Variants in DTHD1 observed in about 807,000 individuals in gnomAD.
DTHD1 encodes the protein death domain containing 1, also known as death domain-containing protein 1.
Under a neutral mutation model 74.8 loss-of-function variants are expected in DTHD1, and 59 were observed. The observed-to-expected ratio is 0.79, with a 90% CI of 0.64 to 0.98. The LOEUF is 0.98. Among genes scored for constraint, DTHD1 ranks in the 50% least tolerant of loss-of-function variants. DTHD1 has a pLI of 0.00. For synonymous variants in DTHD1, 365 were observed against 371.1 expected (o/e 0.98, Z 0.19); for missense variants, 1,051 against 1,065.4 (o/e 0.99, Z 0.19).
chr4:36,294,949 A>G lies in DTHD1; in HGVS notation c.1553A>G (p.Tyr518Cys). 1 of 1,551,592 alleles carries G rather than the reference A, an allele frequency of 6.4e-7. No homozygotes were observed. The highest frequency in any genetic ancestry group is 8.7e-7 in the Non-Finnish European group (1 of 1,146,632). The change falls in exon 5 of 10, where the codon TAC becomes TGC. Residue 518 changes from tyrosine (Y) to cysteine (C), a missense_variant. Tyr to Cys is a radical substitution (Grantham distance 194, BLOSUM62 -2). Coordinates refer to ENST00000639862, the MANE Select transcript of DTHD1 (RefSeq NM_001170700.3). ...PVTLFLPCSP[Y>C]LDKNNLGSEI... ...ACTTTGTTTTTACCTTGTTCTCCAT[A>G]CCTTGATAAAAACAACCTTGGTTCT...
Position 36,306,056 on chromosome 4 carries a change from C to A in DTHD1, c.1644-135C>A, listed in dbSNP as rs1422086182. 4.6e-6 allele frequency: 4 copies of A among 877,410 alleles called. No individual in the cohort carries two copies. In the Admixed American group the frequency reaches 8.4e-5, roughly 18 times the overall value. The allele number at this position is 877,410 out of a possible 1,614,324, so 54.4% of individuals were successfully genotyped here. A position where few individuals can be genotyped will look rare whatever the true frequency, so the allele number is the denominator to read the frequency against. ...TAGTTTGATCTCTGTGTTCCTGGTGCAAAGCATAATTCCTGGCACATAGTA... is the reference window on the plus strand; with the variant it reads ...TAGTTTGATCTCTGTGTTCCTGGTGAAAAGCATAATTCCTGGCACATAGTA... On this transcript the variant is annotated intron_variant, in intron 5 of 9. Coordinates refer to ENST00000639862, the MANE Select transcript of DTHD1 (RefSeq NM_001170700.3).
At chr4:36,319,521 C>T (rs1757939373) in intron 8 of DTHD1, among the ~76,000 whole-genome samples, 1 of 152,148 alleles carries the variant, frequency 6.6e-6, no homozygotes, top group African/African-American at 2.4e-5. Flanking sequence ...TCCAGAAAGC[C>T]TCACGTTGCT....
At chr4:36,336,112 G>A (rs951185984) in intron 8 of DTHD1, among the ~76,000 whole-genome samples, 1 of 152,170 alleles carries the variant, frequency 6.6e-6, no homozygotes, top group East Asian at 1.9e-4. Context: ...AGCCACATAA[G>A]CCCCACTATG....
At chr4:36,339,699 T>G (rs1759212218) in intron 9 of DTHD1, among the ~76,000 whole-genome samples, 1 of 152,350 alleles carries the variant, frequency 6.6e-6, no homozygotes, top group East Asian at 1.9e-4. Flanking sequence ...CATTTTATTT[T>G]GTGATATCAG....
rs1409500530 is a variant in DTHD1, at chr4:36,345,119, G to A, written c.*1295G>A. Reference sequence around the variant, plus strand: ...TTCAAGGCCTATTTCTTCTACTTAGGAAGAAAACCTGCTTTAAAATTAGTT... The same window carrying A: ...TTCAAGGCCTATTTCTTCTACTTAGAAAGAAAACCTGCTTTAAAATTAGTT... On this transcript the variant is annotated 3_prime_UTR_variant, in exon 10 of 10. Coordinates refer to ENST00000639862, the MANE Select transcript of DTHD1 (RefSeq NM_001170700.3). The A allele has an allele frequency of 3.3e-5, 5 of 152,050 alleles. No individual in the cohort carries two copies. 9.4% of individuals were successfully genotyped at this position (152,050 alleles called of 1,614,324 possible).
At chr4:36,286,373 T>C (rs1755713105) in intron 2 of DTHD1, among the ~76,000 whole-genome samples, 1 of 152,192 alleles carries the variant, frequency 6.6e-6, no homozygotes, top group Admixed American at 6.5e-5. Flanking sequence ...CCCAAACCAA[T>C]TGTGCTTGGC....
At chr4:36,332,187 AAAAATAAAAT>A (rs11269624) in intron 8 of DTHD1, among the ~76,000 whole-genome samples, 4,592 of 139,688 alleles carry the variant, frequency 0.033, 233 homozygotes, top group African/African-American at 0.089. Flanking sequence ...CACTGTCTCA[AAAAATAAAAT>A]AAAATAAAAT....
At chr4:36,308,816 T>C (rs984421621) in intron 7 of DTHD1, among the ~76,000 whole-genome samples, 2 of 152,204 alleles carry the variant, frequency 1.3e-5, no homozygotes, top group African/African-American at 4.8e-5. Flanking sequence ...GCTTCCATTA[T>C]TGGCCATATG....
chr4:36,311,539 T>C (rs1277999107), intron 7 of DTHD1, among the ~76,000 whole-genome samples: 1 of 148,260 alleles, frequency 6.7e-6, no homozygotes, highest in Admixed American at 6.8e-5. Flanking sequence ...TCTGAGAAGC[T>C]TTCTCTATCC....
At chr4:36,337,854 G>A (rs543686159) in intron 8 of DTHD1, among the ~76,000 whole-genome samples, 1 of 152,262 alleles carries the variant, frequency 6.6e-6, no homozygotes, top group Admixed American at 6.5e-5. Context: ...TGTGAAATAA[G>A]CTTTAAAAAA....
intron 8 of DTHD1, among the ~76,000 whole-genome samples, chr4:36,318,977 G>A (rs937207007): frequency 1.1e-4 from 17 of 152,046 alleles, no homozygotes; most frequent in Non-Finnish European, 2.2e-4. Flanking sequence ...TTACGCATGC[G>A]GCAATTTTCC....
At chr4:36,282,080 G>A (rs1195775423) in intron 1 of DTHD1, 51 bp downstream of exon 1, 6 of 1,451,456 alleles carry the variant, frequency 4.1e-6, no homozygotes, top group Admixed American at 2.2e-5. Context: ...TATTGATTAG[G>A]GCAAGATCTG....
In DTHD1 at chr4:36,293,700, T is replaced by A. The variant is rs928276724; in HGVS notation, c.1393T>A (p.Leu465Ile). The part of the protein sequence containing the change: ...GVFTSPVLVQ[L>I]KIQPVDPALV... ...TTTTACCTCTCCAGTGCTGGTGCAGTTAAAGGTAAACATATTAAAAATAGG... is the reference window on the plus strand; with the variant it reads ...TTTTACCTCTCCAGTGCTGGTGCAGATAAAGGTAAACATATTAAAAATAGG... Residue 465 changes from leucine (L) to isoleucine (I), a missense_variant, in exon 4 of 10, where the codon TTA (leucine) becomes ATA (isoleucine). By Grantham distance (5) the Leu-to-Ile change is conservative (BLOSUM62 2). Coordinates refer to ENST00000639862, the MANE Select transcript of DTHD1 (RefSeq NM_001170700.3). 3.3e-6 allele frequency: 5 copies of A among 1,515,868 alleles called. No individual in the cohort carries two copies. Among genetic ancestry groups the A allele is most frequent in the Non-Finnish European group, 4.4e-6 (5 of 1,124,418 alleles). 93.9% of individuals were successfully genotyped at this position (1,515,868 alleles called of 1,614,324 possible). A position where few individuals can be genotyped will look rare whatever the true frequency, so the allele number is the denominator to read the frequency against.
At chr4:36,315,662 T>G (rs1757669868) in intron 7 of DTHD1, 1 of 152,234 alleles carries the variant, frequency 6.6e-6, no homozygotes, top group African/African-American at 2.4e-5. Context: ...TTCTAAATGC[T>G]GCAAAAGCTG....
intron 8 of DTHD1, among the ~76,000 whole-genome samples, chr4:36,330,146 C>T (rs1438919623): frequency 6.6e-6 from 1 of 152,112 alleles, no homozygotes; most frequent in Non-Finnish European, 1.5e-5. Context: ...GAGACTGAGG[C>T]ACAAGAGATT....
chr4:36,283,665 C>A (rs994234689), intron 1 of DTHD1, among the ~76,000 whole-genome samples: 1 of 152,148 alleles, frequency 6.6e-6, no homozygotes, highest in African/African-American at 2.4e-5. Context: ...GAGATGTTGA[C>A]TTCAGTTCTT....
At chr4:36,283,718 G>A (rs1311665897) in intron 1 of DTHD1, 7 of 446,748 alleles carry the variant, frequency 1.6e-5, no homozygotes, top group East Asian at 3.5e-5. Context: ...TTAAATATTC[G>A]AAGTATCTTT....
intron 7 of DTHD1, among the ~76,000 whole-genome samples, chr4:36,310,824 A>G (rs535418179): frequency 4.6e-5 from 7 of 152,268 alleles, no homozygotes; most frequent in South Asian, 2.1e-4. Context: ...GACGGGACTT[A>G]GTGAGCAAGT....
At chr4:36,325,949 A>G (rs528429271) in intron 8 of DTHD1, among the ~76,000 whole-genome samples, 3 of 152,278 alleles carry the variant, frequency 2.0e-5, no homozygotes, top group South Asian at 4.1e-4. Flanking sequence ...ATATGATTTC[A>G]TCACTCTTCC....
Sources: allele counts gnomAD v4.1 joint callset (sites outside exome capture counted in the v4.1 genomes callset), GRCh38; gene constraint gnomAD v4.1.1; transcripts MANE v1.5; gene names NCBI Gene and HGNC (gene_info 2026-07-23, HGNC 2026-07-21).